The following NEBL variants were observed in gnomAD, a reference collection of about 807,000 sequenced individuals.
The protein encoded by NEBL is nebulette.
Under a neutral mutation model 140.2 loss-of-function variants are expected in NEBL, and 122 were observed. The ratio of observed to expected loss-of-function variants is 0.87; its 90% confidence interval spans 0.75 to 1.01. The LOEUF (loss-of-function observed/expected upper bound fraction) is 1.01, where lower values mean the gene tolerates loss of function less well. Among genes scored for constraint, NEBL ranks in the 50% least tolerant of loss-of-function variants. The pLI is 0.00. For synonymous variants in NEBL, 436 were observed against 398.9 expected (o/e 1.09, Z -1.11); for missense variants, 1,365 against 1,231.3 (o/e 1.11, Z -1.62).
intron 4 of NEBL, among the ~76,000 whole-genome samples, chr10:20,953,776 T>C (rs138776770): frequency 0.011 from 1,633 of 152,082 alleles, 22 homozygotes; most frequent in African/African-American, 0.029. Context: ...AAACTAAAAA[T>C]ATCCTTGCAA....
Position 21,046,913 on chromosome 10 carries a change from T to A in NEBL, c.165-26712A>T, listed in dbSNP as rs1030351102. On this transcript the variant is annotated intron_variant, in intron 2 of 6. Transcript: ENST00000417816. The stretch of plus-strand genomic sequence containing the variant: ...CACCGCGCCCGGCCCCTAACCTCAA[T>A]ATTTTTATCATTTGTTACTTTGTTT... Among the ~76,000 whole-genome samples, 101 of 152,174 alleles carry A rather than the reference T, an allele frequency of 6.6e-4. 1 individual carries two copies. The highest frequency in any genetic ancestry group is 2.4e-3 in the African/African-American group (98 of 41,440).
chr10:21,194,911 T>C (rs1841625877), intron 3 of NEBL, among the ~76,000 whole-genome samples: 1 of 151,064 alleles, frequency 6.6e-6, no homozygotes, highest in African/African-American at 2.4e-5. Context: ...GAAAGGAAGC[T>C]AATGATGTAG....
chr10:21,188,741 C>A (rs1043574292), intron 3 of NEBL, among the ~76,000 whole-genome samples: 1 of 151,994 alleles, frequency 6.6e-6, no homozygotes, highest in Non-Finnish European at 1.5e-5. Context: ...CAGGCCCCCA[C>A]ACCACAGCAG....
intron 3 of NEBL, among the ~76,000 whole-genome samples, chr10:21,196,917 C>T (rs1236112259): frequency 6.6e-6 from 1 of 152,204 alleles, no homozygotes; most frequent in Non-Finnish European, 1.5e-5. Context: ...CATGTCCAAG[C>T]TTTGCTGCGA....
chr10:21,053,828 T>C (rs1834889968), intron 2 of NEBL, among the ~76,000 whole-genome samples: 1 of 151,456 alleles, frequency 6.6e-6, no homozygotes, highest in Non-Finnish European at 1.5e-5. Context: ...AGGTCAAGAG[T>C]TCGATACTAG....
chr10:21,227,711 T>TTCTTTCTTCTTCTTC (rs1456600511), intron 3 of NEBL, among the ~76,000 whole-genome samples: 13 of 46,430 alleles, frequency 2.8e-4, no homozygotes, highest in East Asian at 6.2e-4. Flanking sequence ...CTTCTTCTTC[T>TTCTTTCTTCTTCTTC]TTCTTCTTCT....
intron 3 of NEBL, among the ~76,000 whole-genome samples, chr10:21,199,577 G>A (rs1452185509): frequency 6.6e-6 from 1 of 152,188 alleles, no homozygotes; most frequent in Non-Finnish European, 1.5e-5. Context: ...CACAGCTCAA[G>A]GGTGATTCAG....
intron 1 of NEBL, among the ~76,000 whole-genome samples, chr10:21,269,293 A>C (rs1206370935): frequency 5.9e-5 from 9 of 152,172 alleles, no homozygotes; most frequent in African/African-American, 2.2e-4. Flanking sequence ...GGGCCAAAGA[A>C]ATTGGGCCCT....
At chr10:21,199,106 C>A (rs1270846965) in intron 3 of NEBL, among the ~76,000 whole-genome samples, 1 of 151,758 alleles carries the variant, frequency 6.6e-6, no homozygotes, top group Non-Finnish European at 1.5e-5. Flanking sequence ...CTCACTGCAG[C>A]CTCCAACTCC....
chr10:21,054,484 G>A (rs543011), intron 2 of NEBL, among the ~76,000 whole-genome samples: 59,762 of 151,796 alleles, frequency 0.39, 11,805 homozygotes, highest in Middle Eastern at 0.47. Context: ...CTGCCTCTCG[G>A]ACAGGCATCG....
chr10:20,986,899 T>C (rs1354921226), intron 3 of NEBL, among the ~76,000 whole-genome samples: 1 of 152,222 alleles, frequency 6.6e-6, no homozygotes, highest in Non-Finnish European at 1.5e-5. Context: ...TTCTTTTTAT[T>C]TCATTCAGCT....
chr10:21,029,669 A>T (rs1195906333), intron 2 of NEBL: 1 of 1,190,932 alleles, frequency 8.4e-7, no homozygotes, highest in East Asian at 2.3e-5. Context: ...GGAGACAAGT[A>T]TCGAGATCGT....
chr10:21,213,699 A>G, intron 3 of NEBL, among the ~76,000 whole-genome samples: 1 of 152,182 alleles, frequency 6.6e-6, no homozygotes, highest in East Asian at 1.9e-4. Context: ...AATAGAGAAA[A>G]ACCTTAGAAA....
intron 3 of NEBL, among the ~76,000 whole-genome samples, chr10:20,971,707 G>A (rs1309527465): frequency 3.4e-5 from 5 of 148,348 alleles, no homozygotes; most frequent in South Asian, 4.3e-4. Flanking sequence ...TCTGCCTCCC[G>A]GCTTCACGCC....
At chr10:21,041,056 C>T (rs1834247260) in intron 2 of NEBL, among the ~76,000 whole-genome samples, 2 of 152,154 alleles carry the variant, frequency 1.3e-5, no homozygotes, top group South Asian at 4.1e-4. Context: ...AACTAACACA[C>T]TTTCCAACTT....
At chr10:21,153,371 A>G (rs1427424548) in intron 2 of NEBL, among the ~76,000 whole-genome samples, 2 of 144,128 alleles carry the variant, frequency 1.4e-5, no homozygotes, top group Non-Finnish European at 3.0e-5. Flanking sequence ...TCCAGGCTGG[A>G]GTGCAATGGT....
chr10:21,047,005 C>T (rs1340985728), intron 2 of NEBL, among the ~76,000 whole-genome samples: 2 of 152,136 alleles, frequency 1.3e-5, no homozygotes, highest in Non-Finnish European at 2.9e-5. Context: ...TGATTTTAGA[C>T]CATGGTCTCT....
At chr10:20,996,016 T>G (rs1333565443) in intron 3 of NEBL, among the ~76,000 whole-genome samples, 1 of 152,180 alleles carries the variant, frequency 6.6e-6, no homozygotes, top group East Asian at 1.9e-4. Context: ...TGTGGCCAGA[T>G]TCCTTCACAC....
intron 3 of NEBL, among the ~76,000 whole-genome samples, chr10:20,982,377 T>C (rs577692658): frequency 6.6e-6 from 1 of 152,156 alleles, no homozygotes; most frequent in South Asian, 2.1e-4. Flanking sequence ...TTTTTATTTG[T>C]TGAACTTGAG....
Sources: allele counts gnomAD v4.1 joint callset (sites outside exome capture counted in the v4.1 genomes callset), GRCh38; gene constraint gnomAD v4.1.1; transcripts MANE v1.5; gene names NCBI Gene and HGNC (gene_info 2026-07-23, HGNC 2026-07-21).